COL23A1: variants seen among roughly 807,000 people sequenced by gnomAD.
COL23A1 encodes collagen type XXIII alpha 1 chain.
Under a neutral mutation model 99.3 loss-of-function variants are expected in COL23A1, and 97 were observed. The ratio of observed to expected loss-of-function variants is 0.98; its 90% confidence interval spans 0.83 to 1.16. The LOEUF is 1.16. Ranked by LOEUF, COL23A1 falls within the 50% of genes most tolerant of loss-of-function variation. The pLI is 0.00. For synonymous variants in COL23A1, 320 were observed against 308.2 expected (o/e 1.04, Z -0.40); for missense variants, 762 against 757.4 (o/e 1.01, Z -0.07).
At chr5:178,357,085 G>GTAC (rs1581215235) in intron 2 of COL23A1, among the ~76,000 whole-genome samples, 1 of 152,244 alleles carries the variant, frequency 6.6e-6, no homozygotes. Context: ...AGCTAAAGAT[G>GTAC]TACTTCCCTT....
intron 3 of COL23A1, among the ~76,000 whole-genome samples, chr5:178,297,125 T>C (rs112146565): frequency 8.5e-5 from 13 of 152,332 alleles, no homozygotes; most frequent in Non-Finnish European, 1.3e-4. Context: ...CCAGCTCCCT[T>C]CAGCCTTAGA....
intron 2 of COL23A1, among the ~76,000 whole-genome samples, chr5:178,554,018 CCACTT>C (rs1055063337): frequency 2.0e-5 from 3 of 152,148 alleles, no homozygotes; most frequent in African/African-American, 4.8e-5. Flanking sequence ...CTCAGAAACC[CCACTT>C]CACTTCACAG....
chr5:178,289,829 A>G (rs1757360092), intron 4 of COL23A1, among the ~76,000 whole-genome samples: 1 of 152,218 alleles, frequency 6.6e-6, no homozygotes, highest in African/African-American at 2.4e-5. Flanking sequence ...CGTTCCGGCG[A>G]ACAGGTCAAG....
chr5:178,344,865 G>A, intron 2 of COL23A1: 2 of 755,172 alleles, frequency 2.6e-6, no homozygotes, highest in Middle Eastern at 4.3e-4. Context: ...TCTGTGTCTG[G>A]CATTACCAGA....
At chr5:178,251,820 C>T (rs951960172) in intron 17 of COL23A1, among the ~76,000 whole-genome samples, 4 of 152,190 alleles carry the variant, frequency 2.6e-5, no homozygotes, top group South Asian at 2.1e-4. Flanking sequence ...TCTGTGTGTA[C>T]CCAATGTTTA....
intron 2 of COL23A1, among the ~76,000 whole-genome samples, chr5:178,342,029 C>G (rs1482969547): frequency 6.6e-6 from 1 of 152,050 alleles, no homozygotes; most frequent in Non-Finnish European, 1.5e-5. Context: ...CCGCCTGTCT[C>G]CTCTAACCAC....
At chr5:178,249,716 A>ACACACTCTCTCT in intron 18 of COL23A1, among the ~76,000 whole-genome samples, 37 of 92,806 alleles carry the variant, frequency 4.0e-4, no homozygotes, top group African/African-American at 1.3e-3. Flanking sequence ...ACACACACAC[A>ACACACTCTCTCT]CTCTCTCTCT....
At chr5:178,562,069 G>A (rs1400817898) in intron 1 of COL23A1, 4 of 532,456 alleles carry the variant, frequency 7.5e-6, no homozygotes, top group South Asian at 6.1e-5. Flanking sequence ...CGGTGGGTTC[G>A]TGGTCTCGCT....
chr5:178,477,514 A>C (rs550259100), intron 2 of COL23A1, among the ~76,000 whole-genome samples: 1 of 152,320 alleles, frequency 6.6e-6, no homozygotes, highest in Admixed American at 6.5e-5. Context: ...ACGTCCTCAA[A>C]AGAGTGTCTT....
At chr5:178,389,842 A>C (rs1421043097) in intron 2 of COL23A1, among the ~76,000 whole-genome samples, 2 of 152,196 alleles carry the variant, frequency 1.3e-5, no homozygotes, top group East Asian at 3.9e-4. Context: ...GGGCACATGC[A>C]GGCAGTGTGT....
At position 178,268,717 on chromosome 5, in the gene COL23A1, T is replaced by G. The variant is rs1756048752; in HGVS notation, c.495+13A>C. The G allele has an allele frequency of 6.2e-7, 1 of 1,602,994 alleles. No individual in the cohort carries two copies. Among genetic ancestry groups the G allele is most frequent in the Non-Finnish European group, 8.5e-7 (1 of 1,173,090 alleles). ...CTGCCTACCACATCTGCACAGCCTC[T>G]GGCATCACTTACCTTTTCCCCTTTC... On this transcript the variant is annotated intron_variant, in intron 7 of 28. Coordinates refer to ENST00000390654, the MANE Select transcript of COL23A1 (RefSeq NM_173465.4).
At chr5:178,585,282 C>A (rs1299107142) in intron 1 of COL23A1, among the ~76,000 whole-genome samples, 2 of 152,144 alleles carry the variant, frequency 1.3e-5, no homozygotes, top group Non-Finnish European at 2.9e-5. Context: ...ATGGCCCCAG[C>A]AGACACTGGG....
chr5:178,256,741 C>G (rs1431778723), intron 14 of COL23A1, 125 bp downstream of exon 14: 1 of 933,578 alleles, frequency 1.1e-6, no homozygotes, highest in Non-Finnish European at 1.6e-6. Flanking sequence ...TGAGGGAGAC[C>G]CCTGGGTCAG....
intron 5 of COL23A1, among the ~76,000 whole-genome samples, chr5:178,276,404 C>G (rs1042762845): frequency 2.0e-4 from 31 of 152,330 alleles, no homozygotes; most frequent in African/African-American, 7.5e-4. Flanking sequence ...TCAAAATGCA[C>G]TAGGACAAGG....
At chr5:178,277,588 T>C (rs1477525314) in intron 5 of COL23A1, among the ~76,000 whole-genome samples, 1 of 152,242 alleles carries the variant, frequency 6.6e-6, no homozygotes, top group Non-Finnish European at 1.5e-5. Flanking sequence ...TTGTAACCCT[T>C]GGCCTAGAAA....
chr5:178,466,776 G>A (rs536262216), intron 2 of COL23A1, among the ~76,000 whole-genome samples: 1 of 152,240 alleles, frequency 6.6e-6, no homozygotes, highest in Admixed American at 6.5e-5. Flanking sequence ...GGGAAGGACT[G>A]TTGGAGCAGC....
intron 2 of COL23A1, among the ~76,000 whole-genome samples, chr5:178,469,172 A>G (rs1756601872): frequency 6.6e-6 from 1 of 152,134 alleles, no homozygotes; most frequent in Non-Finnish European, 1.5e-5. Context: ...GGTTGCTCCT[A>G]CCTTTTGGCT....
At position 178,250,300 on chromosome 5, in the gene COL23A1, G is replaced by T. The variant is rs564625489; in HGVS notation, c.1015-195C>A. 2.0e-5 allele frequency among the ~76,000 whole-genome samples: 3 copies of T among 152,364 alleles called. No individual in the cohort carries two copies. In the South Asian group the frequency reaches 6.2e-4, roughly 32 times the overall value. ...CAGATGTAGCCCATGGCTATCACCT[G>T]TAAGTTGTTATGTCACAGATTCGGG... On this transcript the variant is annotated intron_variant, in intron 17 of 28. Transcript: ENST00000390654.
chr5:178,289,038 G>C (rs765476024), intron 4 of COL23A1, among the ~76,000 whole-genome samples: 1 of 151,962 alleles, frequency 6.6e-6, no homozygotes, highest in Admixed American at 6.6e-5. Flanking sequence ...GTTCACACAC[G>C]CTAGCCTCCC....
Sources: allele counts gnomAD v4.1 joint callset (sites outside exome capture counted in the v4.1 genomes callset), GRCh38; gene constraint gnomAD v4.1.1; transcripts MANE v1.5; gene names NCBI Gene and HGNC (gene_info 2026-07-23, HGNC 2026-07-21).